ERP27: variants seen among roughly 807,000 people sequenced by gnomAD.
ERP27 encodes endoplasmic reticulum protein 27.
A neutral mutation model predicts 27.7 loss-of-function variants in ERP27; 23 were observed. That is an observed-to-expected ratio of 0.83 (90% CI 0.60 to 1.18). The LOEUF is 1.18. Ranked by LOEUF, ERP27 falls within the 50% of genes most tolerant of loss-of-function variation. The pLI, the probability that ERP27 is intolerant of heterozygous loss-of-function variation, is 0.00. For missense variants in ERP27, 363 were observed against 327.9 expected (o/e 1.11, Z -0.83); for synonymous variants, 159 against 118.3 (o/e 1.34, Z -2.23).
At chr12:14,915,847 A>G (rs1426088827) in intron 5 of ERP27, 161 bp from the exon 6 acceptor site, 1 of 679,894 alleles carries the variant, frequency 1.5e-6, no homozygotes, top group Non-Finnish European at 2.4e-6. Context: ...TGTAACAAAG[A>G]ACAAAATCAT....
intron 4 of ERP27, 107 bp from the exon 5 acceptor site, chr12:14,917,410 G>A: frequency 6.8e-7 from 1 of 1,461,168 alleles, no homozygotes; most frequent in Non-Finnish European, 9.4e-7. Flanking sequence ...GCTGGCCACT[G>A]GTAACACAAA....
At chr12:14,923,653 T>C (rs184545212) in intron 3 of ERP27, among the ~76,000 whole-genome samples, 2 of 152,198 alleles carry the variant, frequency 1.3e-5, no homozygotes, top group East Asian at 1.9e-4. Flanking sequence ...ATTATTGTTA[T>C]TGACAAATTG....
At chr12:14,918,342 T>A in intron 4 of ERP27, among the ~76,000 whole-genome samples, 1 of 152,116 alleles carries the variant, frequency 6.6e-6, no homozygotes, top group East Asian at 1.9e-4. Flanking sequence ...GTACCAAAGG[T>A]CAGCAGAAGG....
intron 3 of ERP27, among the ~76,000 whole-genome samples, chr12:14,924,225 G>A (rs1863561672): frequency 1.3e-5 from 2 of 152,116 alleles, no homozygotes; most frequent in Admixed American, 1.3e-4. Context: ...TTTTATGGCT[G>A]AATAGTGTCC....
Position 14,915,472 on chromosome 12 carries a change from T to C in ERP27, c.774+17A>G. 6.2e-7 allele frequency: 1 copy of C among 1,608,384 alleles called. No individual in the cohort carries two copies. Among genetic ancestry groups the C allele is most frequent in the Non-Finnish European group, 8.5e-7 (1 of 1,175,510 alleles). ...TAGAAAGAAAACAATTTGCTTTACC[T>C]GCAGTCTCACACTTACCAACAATTT... On this transcript the variant is annotated intron_variant, in intron 6 of 6. Transcript: ENST00000266397.
intron 2 of ERP27, among the ~76,000 whole-genome samples, chr12:14,936,130 C>A (rs1416595920): frequency 6.6e-6 from 1 of 151,714 alleles, no homozygotes; most frequent in Non-Finnish European, 1.5e-5. Flanking sequence ...GCTTTGGTTA[C>A]ATTTGTGGAT....
At position 14,923,644 on chromosome 12, in the gene ERP27, T is replaced by C. The variant is rs866861969; in HGVS notation, c.334-2596A>G. 5.3e-5 allele frequency among the ~76,000 whole-genome samples: 8 copies of C among 152,060 alleles called. 1 individual carries two copies. The highest frequency in any genetic ancestry group is 1.0e-4 in the Non-Finnish European group (7 of 68,000). On this transcript the variant is annotated intron_variant, in intron 3 of 6. Transcript: ENST00000266397. Reference sequence around the variant, plus strand: ...TGCCATGCCATTAGTTTTACTGCTATTATTGTTATTGACAAATTGATTGGT... The same window carrying C: ...TGCCATGCCATTAGTTTTACTGCTACTATTGTTATTGACAAATTGATTGGT...
intron 6 of ERP27, 103 bp downstream of exon 6, chr12:14,915,386 T>G (rs775332996): frequency 2.5e-6 from 3 of 1,211,986 alleles, no homozygotes; most frequent in Admixed American, 4.3e-5. Context: ...TTAACCAACA[T>G]TTTGCTCTCC....
rs769409132 is a variant in ERP27 at position 14,917,276 on chromosome 12, T to A, written c.478A>T (p.Ile160Phe). Residue 160 changes from isoleucine (I) to phenylalanine (F), a missense_variant, in exon 5 of 7, where the codon ATT becomes TTT. Transcript: ENST00000266397. ...ATTATCAGGAGGAGATGAATCTGAA[T>A]TACGCTGTTGAATAACCCAATCACA... ...VTVIGLFNSV[I>F]QIHLLLIMNK... 6.2e-7 allele frequency: 1 copy of A among 1,614,038 alleles called. No individual in the cohort carries two copies. The highest frequency in any genetic ancestry group is 1.7e-5 in the Admixed American group (1 of 60,004).
At chr12:14,921,567 A>AG (rs1435214064) in intron 3 of ERP27, among the ~76,000 whole-genome samples, 2 of 152,200 alleles carry the variant, frequency 1.3e-5, no homozygotes, top group Non-Finnish European at 2.9e-5. Flanking sequence ...TCTGAGGGCA[A>AG]GGGGGGTCAT....
At position 14,914,579 on chromosome 12, in the gene ERP27, CGTGTGTGTGTGCACGCGT is replaced by C; in HGVS notation, c.*138_*155del. 1 of 468,206 alleles carries C rather than the reference CGTGTGTGTGTGCACGCGT, an allele frequency of 2.1e-6. No individual in the cohort carries two copies. The highest frequency in any genetic ancestry group is 2.7e-5 in the South Asian group (1 of 36,814). 29.0% of individuals were successfully genotyped at this position (468,206 alleles called of 1,614,324 possible). A position where few individuals can be genotyped will look rare whatever the true frequency, so the allele number is the denominator to read the frequency against. On this transcript the variant is annotated 3_prime_UTR_variant, in exon 7 of 7. Coordinates refer to ENST00000266397, the MANE Select transcript of ERP27 (RefSeq NM_152321.4). ...AGCTCTGTGTGTGTGTGTGTGTGTG[CGTGTGTGTGTGCACGCGT>C]GCGTGCGTGTGTGCACGTGCGTGTG...
At chr12:14,926,635 A>AT (rs1288001524) in intron 3 of ERP27, among the ~76,000 whole-genome samples, 6 of 151,864 alleles carry the variant, frequency 4.0e-5, no homozygotes, top group South Asian at 2.1e-4. Flanking sequence ...TACAACATGC[A>AT]TTTTTTTTCA....
rs775324291 is a variant in ERP27, at chr12:14,934,891, T to C, written c.298A>G (p.Asn100Asp). The C allele has an allele frequency of 1.9e-6, 3 of 1,614,066 alleles. No individual in the cohort carries two copies. The highest frequency in any genetic ancestry group is 2.2e-5 in the South Asian group (2 of 91,082). Reference protein sequence around the residue: ...STDSEVLTHYNITGNTICLFR... With the variant: ...STDSEVLTHYDITGNTICLFR... ...AGGCAGATGGTGTTCCCAGTGATGT[T>C]GTAGTGTGTCAGAACCTCAGAATCA... The change falls in exon 3 of 7, where the codon AAC becomes GAC. Residue 100 changes from asparagine to aspartate, a missense_variant. Physicochemically the swap from Asn to Asp is conservative, Grantham distance 23 (BLOSUM62 1). Transcript: ENST00000266397.
chr12:14,935,108 C>T (rs900550098), intron 2 of ERP27, 115 bp from the exon 3 acceptor site: 7 of 1,484,708 alleles, frequency 4.7e-6, no homozygotes, highest in Admixed American at 2.2e-5. Flanking sequence ...TGATTTACTG[C>T]CCAGTAACAC....
chr12:14,918,785 C>T (rs976137711), intron 4 of ERP27, among the ~76,000 whole-genome samples: 1 of 152,140 alleles, frequency 6.6e-6, no homozygotes, highest in Non-Finnish European at 1.5e-5. Flanking sequence ...AGGTCCTTTC[C>T]TAAAGATTTC....
At chr12:14,918,930 T>C (rs1057444708) in intron 4 of ERP27, among the ~76,000 whole-genome samples, 2 of 152,196 alleles carry the variant, frequency 1.3e-5, no homozygotes, top group Non-Finnish European at 2.9e-5. Flanking sequence ...AGATGGAGGA[T>C]AATTCCTGGG....
intron 3 of ERP27, among the ~76,000 whole-genome samples, chr12:14,933,073 T>TATTC (rs145855574): frequency 0.034 from 5,195 of 152,224 alleles, 122 homozygotes; most frequent in African/African-American, 0.06. Context: ...AAGAAGAACA[T>TATTC]ATTCATTCAT....
chr12:14,938,287 A>AT (rs11432737), intron 1 of ERP27, 128 bp downstream of exon 1: 1,009,836 of 1,018,680 alleles, frequency 0.99, 501,003 homozygotes, highest in East Asian at 1. Flanking sequence ...GGCAAAATGC[A>AT]CTTATCCAGG....
chr12:14,916,976 G>T (rs1398713519), intron 5 of ERP27, among the ~76,000 whole-genome samples: 1 of 152,146 alleles, frequency 6.6e-6, no homozygotes, highest in Non-Finnish European at 1.5e-5. Context: ...ACTACAGGAA[G>T]ATATAATTAC....
Sources: allele counts gnomAD v4.1 joint callset (sites outside exome capture counted in the v4.1 genomes callset), GRCh38; gene constraint gnomAD v4.1.1; transcripts MANE v1.5; gene names NCBI Gene and HGNC (gene_info 2026-07-23, HGNC 2026-07-21).